Variants in RANBP2 observed in about 807,000 individuals in gnomAD.
RANBP2 encodes the protein RAN binding protein 2, also known as E3 SUMO-protein ligase RanBP2.
Under a neutral mutation model 303.6 loss-of-function variants are expected in RANBP2, and 57 were observed. The ratio of observed to expected loss-of-function variants is 0.19; its 90% confidence interval spans 0.15 to 0.23. The LOEUF (loss-of-function observed/expected upper bound fraction) is 0.23. RANBP2 is among the 10% of genes least tolerant of loss of function. The pLI is 1.00. For synonymous variants in RANBP2, 1,167 were observed against 1,301.5 expected (o/e 0.90, Z 2.23); for missense variants, 3,138 against 3,780.8 (o/e 0.83, Z 4.46).
chr2:109,614,358 G>C, the RANBP2 span: 1 of 768,728 alleles, frequency 1.3e-6, no homozygotes, highest in Non-Finnish European at 1.7e-6. Context: ...CGAGTCCTCT[G>C]GCCTCAGACG....
At chr2:109,649,663 A>G in the RANBP2 span, among the ~76,000 whole-genome samples, 472 of 152,156 alleles carry the variant, frequency 3.1e-3, 2 homozygotes, top group African/African-American at 0.011. Flanking sequence ...CTGCCAAAGT[A>G]CTGGGATTAC....
At chr2:109,022,799 C>T in the RANBP2 span, among the ~76,000 whole-genome samples, 6 of 152,132 alleles carry the variant, frequency 3.9e-5, no homozygotes, top group East Asian at 9.6e-4. Context: ...GCATGTAATC[C>T]CAGCACTTTG....
the RANBP2 span, among the ~76,000 whole-genome samples, chr2:109,647,452 A>G: frequency 3.0e-5 from 4 of 134,074 alleles, no homozygotes; most frequent in Non-Finnish European, 6.5e-5. Context: ...GTGAGCCACC[A>G]CACCCGGCCC....
the RANBP2 span, among the ~76,000 whole-genome samples, chr2:109,350,623 G>T: frequency 2.6e-5 from 4 of 152,286 alleles, no homozygotes; most frequent in African/African-American, 9.6e-5. Context: ...AAGAGACATG[G>T]GCAACTCCAT....
At chr2:109,389,270 C>G in the RANBP2 span, among the ~76,000 whole-genome samples, 101 of 152,342 alleles carry the variant, frequency 6.6e-4, 1 homozygote, top group African/African-American at 2.4e-3. Context: ...GGCCCCGCTC[C>G]TTGTGCATCA....
chr2:109,507,920 G>A, the RANBP2 span, among the ~76,000 whole-genome samples: 8 of 152,296 alleles, frequency 5.3e-5, no homozygotes, highest in East Asian at 3.9e-4. Flanking sequence ...ATCGTCCCAC[G>A]TGGGCAAAGC....
the RANBP2 span, among the ~76,000 whole-genome samples, chr2:109,645,649 G>A: frequency 2.6e-5 from 4 of 152,174 alleles, no homozygotes; most frequent in South Asian, 8.3e-4. Context: ...TCAAGAGTCA[G>A]CCTGTCTAGA....
chr2:109,422,713 A>C, the RANBP2 span, among the ~76,000 whole-genome samples: 1 of 152,216 alleles, frequency 6.6e-6, no homozygotes, highest in African/African-American at 2.4e-5. Context: ...GGGCACAGCC[A>C]ACCCACCCAG....
the RANBP2 span, among the ~76,000 whole-genome samples, chr2:109,104,496 T>C: frequency 6.6e-6 from 1 of 151,792 alleles, no homozygotes; most frequent in African/African-American, 2.4e-5. Flanking sequence ...GTTTCTTTTT[T>C]TTTTTGAGAC....
chr2:109,355,717 G>A, the RANBP2 span, among the ~76,000 whole-genome samples: 4 of 152,164 alleles, frequency 2.6e-5, no homozygotes, highest in African/African-American at 7.2e-5. Flanking sequence ...CCCTGGGGAC[G>A]CCCTCCTCTG....
the RANBP2 span, among the ~76,000 whole-genome samples, chr2:109,018,837 T>C: frequency 1.3e-5 from 2 of 152,234 alleles, no homozygotes; most frequent in African/African-American, 4.8e-5. Context: ...ATTACACATT[T>C]GCTGGTTGGA....
At chr2:108,942,491 G>A in the RANBP2 span, among the ~76,000 whole-genome samples, 2 of 152,216 alleles carry the variant, frequency 1.3e-5, no homozygotes, top group East Asian at 1.9e-4. Flanking sequence ...GCAAGTTCCC[G>A]GGGAGGCCAG....
At chr2:109,046,070 C>T in the RANBP2 span, among the ~76,000 whole-genome samples, 4 of 151,892 alleles carry the variant, frequency 2.6e-5, no homozygotes, top group Admixed American at 6.5e-5. Context: ...TTTGGGAGGC[C>T]GAGGTGGGCA....
At chr2:109,548,511 T>G in the RANBP2 span, among the ~76,000 whole-genome samples, 4 of 152,132 alleles carry the variant, frequency 2.6e-5, no homozygotes, top group Non-Finnish European at 5.9e-5. Context: ...GACACCAAGT[T>G]GTCTAGAAAG....
chr2:109,329,940 T>C, the RANBP2 span, among the ~76,000 whole-genome samples: 3 of 152,244 alleles, frequency 2.0e-5, no homozygotes, highest in Admixed American at 2.0e-4. Context: ...ACTGCAACTT[T>C]CTTCAATGGG....
At chr2:109,044,247 G>C in the RANBP2 span, among the ~76,000 whole-genome samples, 1 of 152,030 alleles carries the variant, frequency 6.6e-6, no homozygotes, top group South Asian at 2.1e-4. Flanking sequence ...AATACCGGGC[G>C]CGGTGGCTCA....
the RANBP2 span, among the ~76,000 whole-genome samples, chr2:109,032,839 C>G: frequency 6.6e-6 from 1 of 152,230 alleles, no homozygotes; most frequent in Non-Finnish European, 1.5e-5. Context: ...TAATTCCACA[C>G]AGAGTTTGCT....
chr2:109,393,552 C>T, the RANBP2 span, among the ~76,000 whole-genome samples: 14 of 152,194 alleles, frequency 9.2e-5, no homozygotes, highest in East Asian at 2.7e-3. Flanking sequence ...TTTTGTTTTC[C>T]GAATGGTGCA....
chr2:109,556,140 A>G, the RANBP2 span, among the ~76,000 whole-genome samples: 1 of 152,220 alleles, frequency 6.6e-6, no homozygotes, highest in East Asian at 1.9e-4. Flanking sequence ...TAACCAGCAG[A>G]GAAAGGACTA....
Sources: gnomAD v4.1 joint callset for allele counts (sites outside exome capture counted in the v4.1 genomes callset) on GRCh38, gnomAD v4.1.1 for gene constraint, MANE v1.5 for transcripts, NCBI Gene and HGNC (gene_info 2026-07-23, HGNC 2026-07-21) for gene names.